The following FAM193A variants were observed in gnomAD, a reference collection of about 807,000 sequenced individuals.
FAM193A encodes the protein protein FAM193A.
Under a neutral mutation model 126.5 loss-of-function variants are expected in FAM193A, and 22 were observed. The ratio of observed to expected loss-of-function variants is 0.17; its 90% CI spans 0.12 to 0.25. The LOEUF is 0.25. FAM193A is among the 10% of genes least tolerant of loss of function. The pLI is 1.00. For synonymous variants in FAM193A, 761 were observed against 646.8 expected (o/e 1.18, Z -2.68); for missense variants, 1,675 against 1,672.8 (o/e 1.00, Z -0.02).
intron 5 of FAM193A, among the ~76,000 whole-genome samples, chr4:2,637,149 A>C (rs975355887): frequency 6.6e-6 from 1 of 152,206 alleles, no homozygotes; most frequent in Non-Finnish European, 1.5e-5. Context: ...CAACATGGTG[A>C]GATCCCGTCT....
At chr4:2,709,200 T>C (rs1718651123) in intron 19 of FAM193A, among the ~76,000 whole-genome samples, 1 of 152,210 alleles carries the variant, frequency 6.6e-6, no homozygotes, top group Admixed American at 6.5e-5. Context: ...TACGATGTTT[T>C]ACATTATTTG....
chr4:2,537,122 CGGCGCG>C lies in FAM193A; in HGVS notation c.214_219del (p.Gly72_Ala73del), dbSNP rs1306939311. On this transcript the variant is annotated inframe_deletion, in exon 1 of 21. Transcript: ENST00000637812. ...GCGCGGCGGCGGCCAACGGGCCTCT[CGGCGCG>C]GGCGCGAGCGCGGGCGGCGCCGCCC... is the stretch of plus-strand genomic sequence containing the variant. The C allele has an allele frequency of 1.1e-5, 2 of 180,322 alleles. No homozygotes were observed. The highest frequency in any genetic ancestry group is 2.3e-5 in the Non-Finnish European group (2 of 87,288). 11.2% of individuals were successfully genotyped at this position (180,322 alleles called of 1,614,324 possible). A position where few individuals can be genotyped will look rare whatever the true frequency, so the allele number is the denominator to read the frequency against.
At chr4:2,597,233 C>T (rs751103391) in intron 2 of FAM193A, among the ~76,000 whole-genome samples, 3 of 152,172 alleles carry the variant, frequency 2.0e-5, no homozygotes, top group Non-Finnish European at 4.4e-5. Context: ...CTTCCTAGCA[C>T]TTATTTCTAA....
intron 2 of FAM193A, among the ~76,000 whole-genome samples, chr4:2,605,654 A>G (rs1741490366): frequency 6.6e-6 from 1 of 152,198 alleles, no homozygotes; most frequent in South Asian, 2.1e-4. Flanking sequence ...TTAAATGAAA[A>G]CTATTTTCCA....
At chr4:2,693,930 C>G (rs1464361038) in intron 16 of FAM193A, 56 bp downstream of exon 16, 2 of 1,526,764 alleles carry the variant, frequency 1.3e-6, no homozygotes, top group African/African-American at 2.7e-5. Flanking sequence ...GGTGTTATGC[C>G]TCACTAACAC....
rs190108302 is a variant in FAM193A at position 2,713,647 on chromosome 4, T to A, written c.4373-2376T>A. Among the ~76,000 whole-genome samples, 104 of 152,282 alleles carry A rather than the reference T, an allele frequency of 6.8e-4. 1 individual carries two copies. The highest frequency in any genetic ancestry group is 1.5e-3 in the South Asian group (7 of 4,824). ...TCTCCCTGTCTCTCCTCTTCCCATT[T>A]TTTGTTGGTGGTGTTTCTGCTCTGT... On this transcript the variant is annotated intron_variant, in intron 19 of 20. Transcript: ENST00000637812.
chr4:2,663,417 A>G, intron 12 of FAM193A, 129 bp downstream of exon 12: 1 of 665,776 alleles, frequency 1.5e-6, no homozygotes, highest in Non-Finnish European at 2.4e-6. Context: ...GAAGAGAGTC[A>G]AGGCATACTT....
At chr4:2,593,279 C>G (rs1740672036) in intron 1 of FAM193A, among the ~76,000 whole-genome samples, 1 of 152,108 alleles carries the variant, frequency 6.6e-6, no homozygotes, top group Non-Finnish European at 1.5e-5. Context: ...TTCCCATTGT[C>G]CCATCCCATC....
At chr4:2,599,293 C>A (rs1741055533) in intron 2 of FAM193A, among the ~76,000 whole-genome samples, 1 of 151,980 alleles carries the variant, frequency 6.6e-6, no homozygotes, top group Admixed American at 6.6e-5. Context: ...GTAAGTGTGT[C>A]CCCTTCTCCC....
chr4:2,538,197 C>CT (rs940079359), intron 1 of FAM193A, among the ~76,000 whole-genome samples: 2,165 of 144,642 alleles, frequency 0.015, 36 homozygotes, highest in African/African-American at 0.041. Flanking sequence ...ACAAATTGTT[C>CT]TTTTTTTTTT....
At chr4:2,701,284 C>CAAA (rs60538223) in intron 19 of FAM193A, among the ~76,000 whole-genome samples, 3 of 96,054 alleles carry the variant, frequency 3.1e-5, no homozygotes, top group South Asian at 3.4e-4. Flanking sequence ...TCCTTTATAG[C>CAAA]AAAAAAAAAA....
At chr4:2,678,511 C>T (rs1369553819) in intron 13 of FAM193A, among the ~76,000 whole-genome samples, 2 of 151,812 alleles carry the variant, frequency 1.3e-5, no homozygotes, top group African/African-American at 2.4e-5. Context: ...TACAGGCATG[C>T]GCCTCCATGC....
chr4:2,692,483 A>G (rs1156729037), intron 15 of FAM193A, among the ~76,000 whole-genome samples: 2 of 152,302 alleles, frequency 1.3e-5, no homozygotes, highest in African/African-American at 4.8e-5. Context: ...TGGGTGCCAG[A>G]CTCTGGAGGA....
At chr4:2,625,961 C>T (rs529752907) in intron 3 of FAM193A, among the ~76,000 whole-genome samples, 21 of 152,044 alleles carry the variant, frequency 1.4e-4, no homozygotes, top group Admixed American at 6.5e-5. Flanking sequence ...TGGACTCAAA[C>T]GATTAGCCCG....
At chr4:2,585,092 C>T (rs1241822900) in intron 1 of FAM193A, among the ~76,000 whole-genome samples, 6 of 152,152 alleles carry the variant, frequency 3.9e-5, no homozygotes, top group African/African-American at 1.4e-4. Flanking sequence ...TATGGTTTAT[C>T]CATTTTAATT....
In FAM193A at chr4:2,546,319, G is replaced by A. The variant is rs190449034; in HGVS notation, c.255+9149G>A. 3.9e-5 allele frequency among the ~76,000 whole-genome samples: 6 copies of A among 152,114 alleles called. No homozygotes were observed. The East Asian group carries it at 5.8e-4, about 15-fold the overall frequency. On this transcript the variant is annotated intron_variant, in intron 1 of 20. Coordinates refer to ENST00000637812, the MANE Select transcript of FAM193A (RefSeq NM_001366318.2). ...ATTGAATGTTTAAAATGTGCATTTT[G>A]CATTTGAATTTTAACAACTGTAGAT...
intron 14 of FAM193A, among the ~76,000 whole-genome samples, chr4:2,689,961 G>A (rs1425987079): frequency 6.6e-6 from 1 of 152,194 alleles, no homozygotes; most frequent in African/African-American, 2.4e-5. Context: ...GAGCCACATG[G>A]GCGTGGCCTC....
chr4:2,610,939 G>T (rs1741832949), intron 2 of FAM193A, among the ~76,000 whole-genome samples: 1 of 152,108 alleles, frequency 6.6e-6, no homozygotes, highest in East Asian at 1.9e-4. Flanking sequence ...GTTTCTCCAT[G>T]TTGGTCAGGC....
intron 2 of FAM193A, among the ~76,000 whole-genome samples, chr4:2,611,285 T>C (rs1257092920): frequency 6.6e-6 from 1 of 151,994 alleles, no homozygotes; most frequent in Non-Finnish European, 1.5e-5. Context: ...ATTTATTTAT[T>C]TGAGACAGAG....
Sources: allele counts gnomAD v4.1 joint callset (sites outside exome capture counted in the v4.1 genomes callset), GRCh38; gene constraint gnomAD v4.1.1; transcripts MANE v1.5; gene names NCBI Gene and HGNC (gene_info 2026-07-23, HGNC 2026-07-21).